CFAP54: variants seen among roughly 807,000 people sequenced by gnomAD.
CFAP54 encodes the protein cilia and flagella associated protein 54.
Under a neutral mutation model 370.4 loss-of-function variants are expected in CFAP54, and 290 were observed. The observed-to-expected ratio is 0.78, with a 90% CI of 0.71 to 0.86. The LOEUF (loss-of-function observed/expected upper bound fraction) is 0.86, where lower values mean the gene tolerates loss of function less well. CFAP54 is among the 40% of genes least tolerant of loss of function. CFAP54 has a pLI of 0.00. For missense variants in CFAP54, 3,399 were observed against 3,528.7 expected (o/e 0.96, Z 0.93); for synonymous variants, 1,206 against 1,236.5 (o/e 0.98, Z 0.52).
chr12:96,859,527 T>C (rs980600358), intron 66 of CFAP54, among the ~76,000 whole-genome samples: 2 of 152,116 alleles, frequency 1.3e-5, no homozygotes, highest in South Asian at 2.1e-4. Flanking sequence ...TGCCTCAGCC[T>C]TTCGAGTAGC....
chr12:96,789,689 T>C (rs533291592), intron 62 of CFAP54, among the ~76,000 whole-genome samples: 1 of 152,328 alleles, frequency 6.6e-6, no homozygotes, highest in South Asian at 2.1e-4. Context: ...GAATACGTTG[T>C]AAATACAAGT....
At position 96,819,221 on chromosome 12, in the gene CFAP54, C is replaced by G. The variant is rs571272551; in HGVS notation, c.9096+1308C>G. On this transcript the variant is annotated intron_variant, in intron 65 of 67. Transcript: ENST00000524981. ...AAATCTGAGTGAGTCAGCTGGGGACCTGCTTCATGTCTCCTCATGCCAGCA... is the reference window on the plus strand; with the variant it reads ...AAATCTGAGTGAGTCAGCTGGGGACGTGCTTCATGTCTCCTCATGCCAGCA... Among the ~76,000 whole-genome samples, 7 of 152,264 alleles carry G rather than the reference C, an allele frequency of 4.6e-5. 1 individual carries two copies. Among genetic ancestry groups the G allele is most frequent in the African/African-American group, 1.7e-4 (7 of 41,546 alleles).
At chr12:96,732,954 T>C (rs1354342099) in intron 50 of CFAP54, among the ~76,000 whole-genome samples, 2 of 152,238 alleles carry the variant, frequency 1.3e-5, no homozygotes, top group Non-Finnish European at 2.9e-5. Context: ...CTGTGTATCC[T>C]ATACCCTTTT....
In CFAP54 at chr12:96,617,148, A is replaced by G. The variant is rs570960799; in HGVS notation, c.3640-4442A>G. The stretch of plus-strand genomic sequence containing the variant: ...TATAACACTACTCATTGAACCCTGC[A>G]TGAGGAGTAACTTTGTGTAGTGAAT... On this transcript the variant is annotated intron_variant, in intron 26 of 67. Coordinates refer to ENST00000524981, the MANE Select transcript of CFAP54 (RefSeq NM_001306084.2). Among the ~76,000 whole-genome samples, 34 of 152,352 alleles carry G rather than the reference A, an allele frequency of 2.2e-4. 3 individuals carry two copies. In the South Asian group the frequency reaches 6.8e-3, roughly 31 times the overall value.
chr12:96,872,584 T>C (rs1299821270), intron 67 of CFAP54, among the ~76,000 whole-genome samples: 1 of 152,242 alleles, frequency 6.6e-6, no homozygotes, highest in Non-Finnish European at 1.5e-5. Flanking sequence ...GAAAGCATCA[T>C]TTCATTAAGA....
Position 96,663,848 on chromosome 12 carries a change from A to T in CFAP54, c.5479A>T (p.Ile1827Phe). The change falls in exon 39 of 68, where the codon ATT (isoleucine) becomes TTT (phenylalanine). Residue 1827 changes from isoleucine (I) to phenylalanine (F), a missense_variant. By Grantham distance (21) the Ile-to-Phe change is conservative (BLOSUM62 0). Coordinates refer to ENST00000524981, the MANE Select transcript of CFAP54 (RefSeq NM_001306084.2). ...YGEKITCRNF[I>F]GKQLKINSST... ...TTTAAAGATAACTTGCCGAAATTTC[A>T]TTGGGAAGCAGCTTAAGATTAATTC... is the stretch of plus-strand genomic sequence containing the variant. The T allele has an allele frequency of 6.2e-7, 1 of 1,612,636 alleles. No individual in the cohort carries two copies. The highest frequency in any genetic ancestry group is 8.5e-7 in the Non-Finnish European group (1 of 1,179,344).
intron 12 of CFAP54, among the ~76,000 whole-genome samples, chr12:96,536,539 G>A (rs1460476275): frequency 6.6e-6 from 1 of 152,072 alleles, no homozygotes; most frequent in Non-Finnish European, 1.5e-5. Context: ...AATTATTACA[G>A]TGGGAGAGCT....
rs535509862 is a variant in CFAP54, at chr12:96,804,042, C to T, written c.8851-7694C>T. Reference sequence around the variant, plus strand: ...AAAAATTTACCAAGGAGATAAATATCTTTAAAAAAAAGAATTTCTGAACTA... The same window carrying T: ...AAAAATTTACCAAGGAGATAAATATTTTTAAAAAAAAGAATTTCTGAACTA... On this transcript the variant is annotated intron_variant, in intron 63 of 67. Coordinates refer to ENST00000524981, the MANE Select transcript of CFAP54 (RefSeq NM_001306084.2). 9.2e-4 allele frequency among the ~76,000 whole-genome samples: 139 copies of T among 151,890 alleles called. No individual in the cohort carries two copies. In the South Asian group the frequency reaches 0.022, roughly 24 times the overall value.
chr12:96,548,937 C>T (rs1275057480), intron 15 of CFAP54, among the ~76,000 whole-genome samples: 1 of 151,978 alleles, frequency 6.6e-6, no homozygotes, highest in Non-Finnish European at 1.5e-5. Flanking sequence ...TCACTGCAAC[C>T]TCTGCCTTCC....
chr12:96,710,700 C>T (rs1338402830), intron 48 of CFAP54, among the ~76,000 whole-genome samples: 1 of 151,564 alleles, frequency 6.6e-6, no homozygotes, highest in African/African-American at 2.4e-5. Flanking sequence ...GCTCTTGTCA[C>T]CCAGGCTGGA....
chr12:96,526,792 A>T (rs923083474), intron 8 of CFAP54, among the ~76,000 whole-genome samples: 1 of 152,194 alleles, frequency 6.6e-6, no homozygotes, highest in Non-Finnish European at 1.5e-5. Flanking sequence ...GTGACATCTC[A>T]AAAAACCATA....
chr12:96,529,407 A>T (rs1353835235), intron 9 of CFAP54, among the ~76,000 whole-genome samples: 1 of 152,186 alleles, frequency 6.6e-6, no homozygotes, highest in African/African-American at 2.4e-5. Context: ...AGAGCATGGG[A>T]TATTCCCATG....
intron 1 of CFAP54, among the ~76,000 whole-genome samples, chr12:96,492,335 A>G (rs922195324): frequency 6.6e-6 from 1 of 151,852 alleles, no homozygotes; most frequent in Non-Finnish European, 1.5e-5. Context: ...CTCATCCCTC[A>G]CTTCTCTCTC....
Position 96,513,047 on chromosome 12 carries a change from A to G in CFAP54, c.798+3A>G. ...TGGTCATAGGTCAGTCTTCCAAGGT[A>G]TGAAATGTACTGACAAAATATTTTC... On this transcript the variant is annotated splice_donor_region_variant and intron_variant, in intron 5 of 67. Transcript: ENST00000524981. 6.7e-7 allele frequency: 1 copy of G among 1,494,694 alleles called. No individual in the cohort carries two copies. Among genetic ancestry groups the G allele is most frequent in the Non-Finnish European group, 8.9e-7 (1 of 1,122,920 alleles). 92.6% of individuals were successfully genotyped at this position (1,494,694 alleles called of 1,614,324 possible). A position where few individuals can be genotyped will look rare whatever the true frequency, so the allele number is the denominator to read the frequency against.
chr12:96,696,011 C>G (rs75633801), intron 45 of CFAP54, among the ~76,000 whole-genome samples: 1 of 151,804 alleles, frequency 6.6e-6, no homozygotes, highest in East Asian at 1.9e-4. Flanking sequence ...TCCAGGAGTT[C>G]GAAAGAGGAA....
chr12:96,681,122 C>CCCA (rs974237244), intron 40 of CFAP54, among the ~76,000 whole-genome samples: 1 of 84,706 alleles, frequency 1.2e-5, no homozygotes, highest in African/African-American at 4.4e-5. Flanking sequence ...CACCCCCCCA[C>CCCA]ACACACACAC....
intron 27 of CFAP54, among the ~76,000 whole-genome samples, chr12:96,622,244 T>C (rs1026776423): frequency 5.3e-5 from 8 of 152,208 alleles, no homozygotes; most frequent in African/African-American, 1.7e-4. Context: ...CAAGAACTTA[T>C]GCTTATTGCC....
At chr12:96,556,353 C>G (rs2136402729) in intron 17 of CFAP54, among the ~76,000 whole-genome samples, 1 of 151,392 alleles carries the variant, frequency 6.6e-6, no homozygotes, top group South Asian at 2.1e-4. Context: ...ACCCCAAAAC[C>G]ACACCACACC....
In CFAP54 at chr12:96,658,275, A is replaced by G. The variant is rs1159207486; in HGVS notation, c.5389A>G (p.Ile1797Val). 6.2e-7 allele frequency: 1 copy of G among 1,614,098 alleles called. No homozygotes were observed. Among genetic ancestry groups the G allele is most frequent in the Admixed American group, 1.7e-5 (1 of 60,022 alleles). The change falls in exon 38 of 68, where the codon ATA (isoleucine) becomes GTA (valine). Residue 1797 changes from isoleucine (I) to valine (V), a missense_variant. By Grantham distance (29) the Ile-to-Val change is conservative. Around this residue, in one of 3 missense-constraint regions of CFAP54, gnomAD observed 2,796 missense variants for 2,869.7 expected, o/e 0.97. Transcript: ENST00000524981. The part of the protein sequence containing the change: ...VYAQRQLLLR[I>V]QKFKGPDITQ... The stretch of plus-strand genomic sequence containing the variant: ...TGCACAGCGCCAGCTTCTGCTGAGA[A>G]TACAGAAGTTCAAGGGCCCAGATAT...
Sources: gnomAD v4.1 joint callset for allele counts (sites outside exome capture counted in the v4.1 genomes callset) on GRCh38, gnomAD v4.1.1 for gene constraint, gnomAD v4.1.1 regional missense constraint, MANE v1.5 for transcripts, NCBI Gene and HGNC (gene_info 2026-07-23, HGNC 2026-07-21) for gene names.